MROH7: variants seen among roughly 807,000 people sequenced by gnomAD.
MROH7 encodes maestro heat like repeat family member 7, also known as maestro heat-like repeat-containing protein family member 7.
Under a neutral mutation model 129.2 loss-of-function variants are expected in MROH7, and 113 were observed. The observed-to-expected ratio is 0.87, with a 90% confidence interval of 0.75 to 1.02. The LOEUF (loss-of-function observed/expected upper bound fraction) is 1.02, where lower values mean the gene tolerates loss of function less well. MROH7 is among the 50% of genes least tolerant of loss of function. The pLI, the probability that MROH7 is intolerant of heterozygous loss-of-function variation, is 0.00. For synonymous variants in MROH7, 655 were observed against 667.9 expected (o/e 0.98, Z 0.30); for missense variants, 1,601 against 1,671.3 (o/e 0.96, Z 0.73).
chr1:54,682,160 C>CTT (rs36109984), intron 13 of MROH7, among the ~76,000 whole-genome samples: 4 of 134,950 alleles, frequency 3.0e-5, no homozygotes, highest in Non-Finnish European at 4.7e-5. Flanking sequence ...TTCTTTCTTT[C>CTT]TTTTTTTTTT....
rs769650452 is a variant in MROH7 at position 54,680,058 on chromosome 1, G to A, written c.2381+13G>A. On this transcript the variant is annotated intron_variant, in intron 13 of 23. Transcript: ENST00000421030. ...TCCCACTGAACAGGTACCAAGTGAAGGGGTTCCCAGCCACTGCATCTTACA... is the reference window on the plus strand; with the variant it reads ...TCCCACTGAACAGGTACCAAGTGAAAGGGTTCCCAGCCACTGCATCTTACA... The A allele has an allele frequency of 6.2e-7, 1 of 1,611,120 alleles. No homozygotes were observed.
intron 14 of MROH7, 143 bp from the exon 15 acceptor site, chr1:54,686,115 G>A: frequency 1.1e-5 from 7 of 650,052 alleles, no homozygotes; most frequent in Non-Finnish European, 1.3e-5. Flanking sequence ...GGGCTGGGGG[G>A]TGGGGAATCC....
At chr1:54,676,569 T>G (rs571524371) in intron 10 of MROH7, among the ~76,000 whole-genome samples, 3 of 151,962 alleles carry the variant, frequency 2.0e-5, no homozygotes, top group South Asian at 2.1e-4. Context: ...AATTTTTGTG[T>G]TTTTTAATAG....
At chr1:54,671,616 C>G (rs1557705007) in intron 7 of MROH7, among the ~76,000 whole-genome samples, 1 of 152,164 alleles carries the variant, frequency 6.6e-6, no homozygotes, top group African/African-American at 2.4e-5. Flanking sequence ...CAAACCTCTC[C>G]AGGCATTCCT....
rs185547830 is a variant in MROH7 at position 54,665,961 on chromosome 1, C to T, written c.1305+721C>T. Among the ~76,000 whole-genome samples the T allele has an allele frequency of 4.6e-3, 704 of 152,350 alleles. 6 individuals carry two copies. The highest frequency in any genetic ancestry group is 0.016 in the African/African-American group (676 of 41,578). On this transcript the variant is annotated intron_variant, in intron 4 of 23. Coordinates refer to ENST00000421030, the MANE Select transcript of MROH7 (RefSeq NM_001039464.4). Reference sequence around the variant, plus strand: ...CATTCAGGGAGCATTTATCCTCATCCCATGGCGTCCTTCTAGTTGTCCACT... The same window carrying T: ...CATTCAGGGAGCATTTATCCTCATCTCATGGCGTCCTTCTAGTTGTCCACT...
intron 3 of MROH7, among the ~76,000 whole-genome samples, chr1:54,657,289 G>A (rs994327280): frequency 6.6e-6 from 1 of 151,434 alleles, no homozygotes; most frequent in South Asian, 2.1e-4. Context: ...GGGCTCAAGT[G>A]ATCCACTGCC....
At chr1:54,684,938 G>A (rs1045527689) in intron 14 of MROH7, among the ~76,000 whole-genome samples, 1 of 152,036 alleles carries the variant, frequency 6.6e-6, no homozygotes, top group African/African-American at 2.4e-5. Context: ...TTCTCCAAGG[G>A]AACATGTCAG....
intron 17 of MROH7, chr1:54,698,598 G>C (rs1645359392): frequency 6.6e-6 from 1 of 152,660 alleles, no homozygotes; most frequent in Non-Finnish European, 1.5e-5. Context: ...GCATGGAGGG[G>C]AGAAGCGTTT....
chr1:54,702,104 G>T lies in MROH7; in HGVS notation c.3300G>T (p.Val1100=). The change falls in exon 20 of 24, where the codon GTG becomes GTT. Residue 1100 remains valine (V), a synonymous_variant. Transcript: ENST00000421030. ...GTCTTCCCCAGGCACGAGAGGTCGT[G>T]CGCTCCTCCTGCATCAACCTGTATG... The part of the protein sequence containing the change: ...LPHFSDAREV[V]RSSCINLYGK... 1.9e-6 allele frequency: 3 copies of T among 1,602,602 alleles called. No homozygotes were observed. Among genetic ancestry groups the T allele is most frequent in the Non-Finnish European group, 2.6e-6 (3 of 1,173,804 alleles).
chr1:54,705,136 C>T (rs1385966737), intron 21 of MROH7, among the ~76,000 whole-genome samples: 2 of 152,316 alleles, frequency 1.3e-5, no homozygotes, highest in South Asian at 2.1e-4. Context: ...TGTCATTGCT[C>T]TGCAGGCTAC....
chr1:54,676,534 C>T (rs576902770), intron 10 of MROH7, among the ~76,000 whole-genome samples: 3 of 151,416 alleles, frequency 2.0e-5, no homozygotes, highest in South Asian at 2.1e-4. Context: ...CTCAGCCTCC[C>T]GAGTAGCTGG....
chr1:54,672,583 C>CA (rs1395276584), intron 7 of MROH7, among the ~76,000 whole-genome samples: 1 of 151,874 alleles, frequency 6.6e-6, no homozygotes, highest in Non-Finnish European at 1.5e-5. Flanking sequence ...AGAAGCAATT[C>CA]AAAAAAGAAT....
At chr1:54,665,381 G>A (rs1644797372) in intron 4 of MROH7, 141 bp downstream of exon 4, 3 of 610,640 alleles carry the variant, frequency 4.9e-6, no homozygotes, top group Non-Finnish European at 8.8e-6. Flanking sequence ...ATTGCCGTCT[G>A]ATGTGCCATA....
At chr1:54,648,232 A>T (rs969084911) in intron 1 of MROH7, among the ~76,000 whole-genome samples, 17 of 152,044 alleles carry the variant, frequency 1.1e-4, no homozygotes, top group Non-Finnish European at 2.2e-4. Flanking sequence ...ACCCTTGTCA[A>T]AAATCATTTG....
chr1:54,702,004 G>C (rs1645444030), intron 19 of MROH7, 86 bp from the exon 20 acceptor site: 5 of 1,223,310 alleles, frequency 4.1e-6, no homozygotes, highest in Non-Finnish European at 4.4e-6. Context: ...ACCTAGGCTT[G>C]AGTGAGAGGA....
chr1:54,649,542 G>C (rs187516036), intron 1 of MROH7, among the ~76,000 whole-genome samples: 1 of 152,264 alleles, frequency 6.6e-6, no homozygotes, highest in African/African-American at 2.4e-5. Context: ...GGAGGACTGG[G>C]GGTAGGTCAG....
chr1:54,659,437 C>T (rs1384854985), intron 3 of MROH7, among the ~76,000 whole-genome samples: 2 of 148,350 alleles, frequency 1.3e-5, no homozygotes, highest in Non-Finnish European at 3.0e-5. Flanking sequence ...TGTCTGCCAC[C>T]ACTTCTGGCT....
intron 22 of MROH7, 47 bp from the exon 23 acceptor site, chr1:54,708,967 G>GGGGGGC (rs1645579368): frequency 7.5e-7 from 1 of 1,329,346 alleles, no homozygotes; most frequent in Non-Finnish European, 1.0e-6. Flanking sequence ...TTGGGGTGGG[G>GGGGGGC]TCGACGTCGG....
chr1:54,663,363 G>A (rs957867079), intron 3 of MROH7, among the ~76,000 whole-genome samples: 7 of 152,040 alleles, frequency 4.6e-5, no homozygotes, highest in African/African-American at 1.7e-4. Flanking sequence ...AACATGGCGA[G>A]AGCCCCGAGC....
Sources: allele counts gnomAD v4.1 joint callset (sites outside exome capture counted in the v4.1 genomes callset), GRCh38; gene constraint gnomAD v4.1.1; transcripts MANE v1.5; gene names NCBI Gene and HGNC (gene_info 2026-07-23, HGNC 2026-07-21).